Variants in CD200R1 observed in about 807,000 individuals in gnomAD.
CD200R1 encodes the protein CD200 receptor 1, also known as cell surface glycoprotein CD200 receptor 1.
CD200R1 carries 30 observed loss-of-function variants against 38.1 expected under a neutral mutation model. The observed-to-expected ratio is 0.79, with a 90% confidence interval of 0.59 to 1.07. The LOEUF (loss-of-function observed/expected upper bound fraction) is 1.07, where lower values mean the gene tolerates loss of function less well. Ranked by LOEUF, CD200R1 falls within the 50% of genes least tolerant of loss-of-function variation. The probability of loss-of-function intolerance (pLI) is 0.00; values close to 1 mark genes in which losing one functional copy is unlikely to be tolerated. For synonymous variants in CD200R1, 128 were observed against 152.1 expected, an observed-to-expected ratio of 0.84 and a Z score of 1.16; for missense variants, 372 against 415.4, an observed-to-expected ratio of 0.90 and a Z score of 0.91.
intron 1 of CD200R1, among the ~76,000 whole-genome samples, chr3:112,971,319 T>G (rs1933304403): frequency 6.6e-6 from 1 of 152,220 alleles, no homozygotes; most frequent in African/African-American, 2.4e-5. Flanking sequence ...TCAGTACTAA[T>G]GAAATCATCT....
Position 112,923,466 on chromosome 3 carries a change from C to T in CD200R1, c.*211G>A, listed in dbSNP as rs745893484. 5 of 347,950 alleles carry T rather than the reference C, an allele frequency of 1.4e-5. No homozygotes were observed. Among genetic ancestry groups the T allele is most frequent in the African/African-American group, 2.2e-5 (1 of 46,330 alleles). 21.6% of individuals were successfully genotyped at this position (347,950 alleles called of 1,614,324 possible). A position where few individuals can be genotyped will look rare whatever the true frequency, so the allele number is the denominator to read the frequency against. ...TGGGCATGTATTTTCTTTGTAATAA[C>T]ATCAGTTCTTCAGAGAACTAGCTGG... is the stretch of plus-strand genomic sequence containing the variant. On this transcript the variant is annotated 3_prime_UTR_variant, in exon 8 of 8. Coordinates refer to ENST00000308611, the MANE Select transcript of CD200R1 (RefSeq NM_138806.4).
chr3:112,958,644 G>A (rs1342039628), intron 1 of CD200R1, among the ~76,000 whole-genome samples: 1 of 152,068 alleles, frequency 6.6e-6, no homozygotes, highest in Non-Finnish European at 1.5e-5. Context: ...CTTCCATAAA[G>A]CTGAAAGGAG....
At chr3:112,942,772 G>A (rs1278405993) in intron 2 of CD200R1, among the ~76,000 whole-genome samples, 1 of 151,416 alleles carries the variant, frequency 6.6e-6, no homozygotes, top group Non-Finnish European at 1.5e-5. Flanking sequence ...TGAAAGAAAA[G>A]GGATGAATAA....
At chr3:112,931,398 C>T (rs886257047) in intron 2 of CD200R1, among the ~76,000 whole-genome samples, 4 of 152,262 alleles carry the variant, frequency 2.6e-5, no homozygotes, top group African/African-American at 9.6e-5. Flanking sequence ...ATTTCTCTTT[C>T]GTGATACACC....
intron 2 of CD200R1, among the ~76,000 whole-genome samples, chr3:112,932,584 G>A (rs1324069107): frequency 6.6e-6 from 1 of 151,900 alleles, no homozygotes; most frequent in Non-Finnish European, 1.5e-5. Context: ...CTCAAGGCCT[G>A]AGAAATAGCC....
chr3:112,943,949 A>G (rs187683666), intron 2 of CD200R1, among the ~76,000 whole-genome samples: 1 of 152,000 alleles, frequency 6.6e-6, no homozygotes, highest in Admixed American at 6.5e-5. Context: ...TAAAGGAGAA[A>G]CAGGCAAATT....
intron 1 of CD200R1, among the ~76,000 whole-genome samples, chr3:112,974,395 C>A (rs1165468463): frequency 6.6e-6 from 1 of 152,088 alleles, no homozygotes; most frequent in East Asian, 1.9e-4. Context: ...ACGATTGCAC[C>A]ACTGCACTCC....
chr3:112,931,548 A>G (rs1940439640), intron 2 of CD200R1, among the ~76,000 whole-genome samples: 1 of 152,120 alleles, frequency 6.6e-6, no homozygotes, highest in African/African-American at 2.4e-5. Flanking sequence ...TCCCAATCAA[A>G]GTTATTTGGT....
At chr3:112,924,170 A>C (rs1384223730) in intron 7 of CD200R1, among the ~76,000 whole-genome samples, 6 of 151,910 alleles carry the variant, frequency 3.9e-5, no homozygotes, top group Non-Finnish European at 1.5e-5. Flanking sequence ...ATTGAAAAGG[A>C]AAAGTCAGGA....
intron 3 of CD200R1, 44 bp downstream of exon 3, chr3:112,931,062 C>T (rs749164144): frequency 1.4e-6 from 2 of 1,400,448 alleles, no homozygotes; most frequent in Non-Finnish European, 2.0e-6. Flanking sequence ...GGAAGTTCAA[C>T]TTTCCATCCC....
chr3:112,928,746 A>G, intron 5 of CD200R1, 70 bp downstream of exon 5: 2 of 1,245,550 alleles, frequency 1.6e-6, no homozygotes, highest in African/African-American at 1.5e-5. Context: ...ATATTTGCAC[A>G]TCTTTTTTTT....
intron 1 of CD200R1, among the ~76,000 whole-genome samples, chr3:112,970,344 C>A (rs561586899): frequency 6.6e-6 from 1 of 152,170 alleles, no homozygotes; most frequent in East Asian, 1.9e-4. Flanking sequence ...AATATCATTT[C>A]TTCCTGGGGG....
At chr3:112,926,921 C>G (rs1336853207) in intron 5 of CD200R1, among the ~76,000 whole-genome samples, 1 of 151,928 alleles carries the variant, frequency 6.6e-6, no homozygotes, top group Non-Finnish European at 1.5e-5. Flanking sequence ...TTAGTATACA[C>G]AAAACTCCAG....
At chr3:112,934,579 T>C (rs150644275) in intron 2 of CD200R1, among the ~76,000 whole-genome samples, 3,262 of 152,126 alleles carry the variant, frequency 0.021, 40 homozygotes, top group South Asian at 0.048. Context: ...CCTGTAATCC[T>C]AGCACTTTGG....
Position 112,929,052 on chromosome 3 carries a change from ACTT to A in CD200R1, c.530_532del (p.Glu177del). 6.2e-7 allele frequency: 1 copy of A among 1,613,818 alleles called. No individual in the cohort carries two copies. The highest frequency in any genetic ancestry group is 8.5e-7 in the Non-Finnish European group (1 of 1,179,998). On this transcript the variant is annotated inframe_deletion, in exon 5 of 8. Transcript: ENST00000308611. Reference sequence around the variant, plus strand: ...TCTATTCCTGTTTTGAAACAGGGTCACTTCAGGTGTAACTGCAGAGAGGAAAGA... The same window carrying A: ...TCTATTCCTGTTTTGAAACAGGGTCACAGGTGTAACTGCAGAGAGGAAAGA...
intron 5 of CD200R1, among the ~76,000 whole-genome samples, chr3:112,926,753 T>C (rs768036106): frequency 2.2e-4 from 34 of 151,764 alleles, no homozygotes; most frequent in Non-Finnish European, 4.4e-4. Flanking sequence ...TAAAACTTAC[T>C]AAAATGTTGG....
chr3:112,959,152 G>GT (rs1343822576), intron 1 of CD200R1, among the ~76,000 whole-genome samples: 3 of 151,998 alleles, frequency 2.0e-5, no homozygotes, highest in Non-Finnish European at 2.9e-5. Context: ...CCCTAATTCG[G>GT]TAACTATTAC....
At chr3:112,959,797 T>C (rs146712779) in intron 1 of CD200R1, among the ~76,000 whole-genome samples, 1 of 152,112 alleles carries the variant, frequency 6.6e-6, no homozygotes, top group South Asian at 2.1e-4. Flanking sequence ...AATGTAGAGA[T>C]GAACCACTAT....
intron 2 of CD200R1, among the ~76,000 whole-genome samples, chr3:112,938,829 A>G (rs1262716708): frequency 1.3e-5 from 2 of 152,116 alleles, no homozygotes; most frequent in Non-Finnish European, 2.9e-5. Context: ...AGACACAGCA[A>G]AAAAGAAAAG....
Sources: allele counts gnomAD v4.1 joint callset (sites outside exome capture counted in the v4.1 genomes callset), GRCh38; gene constraint gnomAD v4.1.1; transcripts MANE v1.5; gene names NCBI Gene and HGNC (gene_info 2026-07-23, HGNC 2026-07-21).